The following MAST4 variants were observed in gnomAD, a reference collection of about 807,000 sequenced individuals.
MAST4 encodes the protein microtubule associated serine/threonine kinase family member 4.
A neutral mutation model predicts 162.7 loss-of-function variants in MAST4; 89 were observed. The ratio of observed to expected loss-of-function variants is 0.55; its 90% CI spans 0.46 to 0.65. MAST4 has a LOEUF of 0.65. Ranked by LOEUF, MAST4 falls within the 30% of genes least tolerant of loss-of-function variation. The pLI is 0.00. For missense variants in MAST4, 3,153 were observed against 3,374.0 expected (o/e 0.93, Z 1.62); for synonymous variants, 1,479 against 1,361.1 (o/e 1.09, Z -1.91).
chr5:66,915,266 C>CAAAA (rs70987147), intron 4 of MAST4, among the ~76,000 whole-genome samples: 77 of 83,610 alleles, frequency 9.2e-4, no homozygotes, highest in Admixed American at 2.6e-3. Flanking sequence ...ACTCTTGTCT[C>CAAAA]AAAAAAAAAA....
intron 12 of MAST4, 100 bp downstream of exon 12, chr5:67,114,319 C>A: frequency 7.1e-7 from 1 of 1,408,990 alleles, no homozygotes. Flanking sequence ...CATGTTTTGG[C>A]TCTATCTATT....
chr5:66,639,882 A>G (rs112651546), intron 1 of MAST4, among the ~76,000 whole-genome samples: 2,674 of 152,284 alleles, frequency 0.018, 38 homozygotes, highest in African/African-American at 0.042. Flanking sequence ...TCATAGTGAA[A>G]TCATTTGTAC....
intron 4 of MAST4, among the ~76,000 whole-genome samples, chr5:66,942,102 G>A (rs1466794904): frequency 6.6e-6 from 1 of 152,046 alleles, no homozygotes; most frequent in Admixed American, 6.6e-5. Context: ...GTGACATAGA[G>A]GCATGAAGTG....
intron 4 of MAST4, among the ~76,000 whole-genome samples, chr5:66,994,343 G>A (rs148999091): frequency 8.7e-4 from 132 of 152,124 alleles, no homozygotes; most frequent in African/African-American, 3.0e-3. Flanking sequence ...TTTCTTTTCA[G>A]TTTTCTATTG....
At chr5:67,146,894 T>C (rs974259389) in intron 23 of MAST4, among the ~76,000 whole-genome samples, 1 of 152,202 alleles carries the variant, frequency 6.6e-6, no homozygotes, top group Non-Finnish European at 1.5e-5. Context: ...GATATCTTGG[T>C]ATTTTCTATT....
chr5:66,945,851 A>C lies in MAST4; in HGVS notation c.674+45869A>C, dbSNP rs115191898. On this transcript the variant is annotated intron_variant, in intron 4 of 28. Transcript: ENST00000403625. ...TAAACTTGCACATAACTTGCACAGCAGGTTATGTGCTAAACTATTTAACGA... is the reference window on the plus strand; with the variant it reads ...TAAACTTGCACATAACTTGCACAGCCGGTTATGTGCTAAACTATTTAACGA... Among the ~76,000 whole-genome samples, 1,461 of 152,272 alleles carry C rather than the reference A, an allele frequency of 9.6e-3. 18 individuals are homozygous for C. Among genetic ancestry groups the C allele is most frequent in the Middle Eastern group, 0.02 (6 of 294 alleles).
At chr5:67,059,108 T>C (rs1228755145) in intron 5 of MAST4, among the ~76,000 whole-genome samples, 2 of 152,164 alleles carry the variant, frequency 1.3e-5, no homozygotes, top group Non-Finnish European at 2.9e-5. Flanking sequence ...TGGACAGATT[T>C]AGGTCATTGC....
At chr5:66,981,998 G>T (rs1470385492) in intron 4 of MAST4, among the ~76,000 whole-genome samples, 1 of 152,184 alleles carries the variant, frequency 6.6e-6, no homozygotes, top group Non-Finnish European at 1.5e-5. Flanking sequence ...GCCATAAAGT[G>T]ATTTGAGGCC....
At chr5:66,611,862 T>C (rs1227185449) in intron 1 of MAST4, among the ~76,000 whole-genome samples, 2 of 152,250 alleles carry the variant, frequency 1.3e-5, no homozygotes, top group Non-Finnish European at 2.9e-5. Flanking sequence ...TCTTTTCATT[T>C]GAATGAAAAG....
intron 4 of MAST4, among the ~76,000 whole-genome samples, chr5:66,941,273 C>T (rs1193014572): frequency 6.6e-6 from 1 of 152,136 alleles, no homozygotes; most frequent in Non-Finnish European, 1.5e-5. Context: ...CAGGCATTGA[C>T]TTCTCCTCGC....
chr5:67,010,459 C>T (rs922406717), intron 4 of MAST4, among the ~76,000 whole-genome samples: 5 of 152,062 alleles, frequency 3.3e-5, no homozygotes, highest in Admixed American at 2.6e-4. Flanking sequence ...CTGGGAACAT[C>T]GAAGGCACTG....
chr5:66,818,573 T>C (rs548812631), intron 3 of MAST4, among the ~76,000 whole-genome samples: 2 of 152,320 alleles, frequency 1.3e-5, no homozygotes, highest in East Asian at 3.9e-4. Flanking sequence ...CCTATGTATA[T>C]CTCCTTGGTC....
At chr5:66,755,361 A>G (rs1174760004) in intron 1 of MAST4, among the ~76,000 whole-genome samples, 1 of 152,220 alleles carries the variant, frequency 6.6e-6, no homozygotes, top group Non-Finnish European at 1.5e-5. Context: ...CACTGTTAAT[A>G]TTTAAAAACT....
intron 3 of MAST4, among the ~76,000 whole-genome samples, chr5:66,845,631 G>C (rs141667362): frequency 7.2e-5 from 11 of 152,094 alleles, no homozygotes; most frequent in Non-Finnish European, 1.5e-4. Context: ...TATATACCCA[G>C]TAATGGATGG....
rs189267905 is a variant in MAST4, at chr5:66,733,529, G to C, written c.364-26180G>C. 1.5e-3 allele frequency among the ~76,000 whole-genome samples: 226 copies of C among 152,186 alleles called. 7 individuals carry two copies. The South Asian group carries it at 0.044, about 30-fold the overall frequency. On this transcript the variant is annotated intron_variant, in intron 1 of 28. Coordinates refer to ENST00000403625, the MANE Select transcript of MAST4 (RefSeq NM_001164664.2). ...GGCTGGAGTGCAGTGGTGCGATCTC[G>C]GCTCATTGCAACCTCCGCCTCGGGT... is the stretch of plus-strand genomic sequence containing the variant.
At chr5:66,721,681 T>C (rs1290363940) in intron 1 of MAST4, among the ~76,000 whole-genome samples, 1 of 150,592 alleles carries the variant, frequency 6.6e-6, no homozygotes, top group Non-Finnish European at 1.5e-5. Context: ...CTCTGAGATC[T>C]CTCACGAACT....
At chr5:66,777,629 C>T (rs956065920) in intron 2 of MAST4, among the ~76,000 whole-genome samples, 2 of 152,124 alleles carry the variant, frequency 1.3e-5, no homozygotes, top group African/African-American at 4.8e-5. Context: ...GGGCAGTGAA[C>T]ACATTTAGAT....
chr5:66,973,648 C>A (rs77065013), intron 4 of MAST4, among the ~76,000 whole-genome samples: 1 of 152,112 alleles, frequency 6.6e-6, no homozygotes, highest in Admixed American at 6.5e-5. Context: ...CTCTTCACAA[C>A]AAGATTTCAC....
At position 67,110,418 on chromosome 5, in the gene MAST4, C is replaced by T. The variant is rs150760896; in HGVS notation, c.1458+219C>T. Among the ~76,000 whole-genome samples the T allele has an allele frequency of 3.2e-3, 493 of 152,256 alleles. 14 individuals carry two copies. Among genetic ancestry groups the T allele is most frequent in the Admixed American group, 0.023 (350 of 15,300 alleles). Reference sequence around the variant, plus strand: ...TTTGCTCTATTAAGTGATGGTCATACCATATTCTAGTCAAACTTGAAATAT... The same window carrying T: ...TTTGCTCTATTAAGTGATGGTCATATCATATTCTAGTCAAACTTGAAATAT... On this transcript the variant is annotated intron_variant, in intron 11 of 28. Transcript: ENST00000403625.
Sources: allele counts gnomAD v4.1 joint callset (sites outside exome capture counted in the v4.1 genomes callset), GRCh38; gene constraint gnomAD v4.1.1; transcripts MANE v1.5; gene names NCBI Gene and HGNC (gene_info 2026-07-23, HGNC 2026-07-21).